ULK1: variants seen among roughly 807,000 people sequenced by gnomAD.
ULK1 encodes serine/threonine-protein kinase ULK1.
A neutral mutation model predicts 117.5 loss-of-function variants in ULK1; 48 were observed. The ratio of observed to expected loss-of-function variants is 0.41; its 90% CI spans 0.32 to 0.52. The LOEUF is 0.52. Among genes scored for constraint, ULK1 ranks in the 20% least tolerant of loss-of-function variants. ULK1 has a pLI of 0.29. For synonymous variants in ULK1, 790 were observed against 637.8 expected (o/e 1.24, Z -3.60); for missense variants, 1,387 against 1,473.4 (o/e 0.94, Z 0.96).
intron 3 of ULK1, among the ~76,000 whole-genome samples, chr12:131,900,457 TGGAGCACCTGG>T (rs1477803557): frequency 6.6e-6 from 1 of 152,228 alleles, no homozygotes; most frequent in Admixed American, 6.5e-5. Flanking sequence ...GGGAGGCGGC[TGGAGCACCTGG>T]GGAGCACCTG....
chr12:131,904,961 C>G (rs1889216900), intron 3 of ULK1, among the ~76,000 whole-genome samples: 1 of 152,124 alleles, frequency 6.6e-6, no homozygotes, highest in African/African-American at 2.4e-5. Context: ...TTGTTTCTCC[C>G]CACAGCTGCT....
At chr12:131,907,892 CTGCACGG>C (rs1341259433) in intron 5 of ULK1, among the ~76,000 whole-genome samples, 4 of 149,152 alleles carry the variant, frequency 2.7e-5, no homozygotes, top group South Asian at 2.2e-4. Context: ...AGGGGATGTG[CTGCACGG>C]GGCGGGGCGG....
intron 23 of ULK1, among the ~76,000 whole-genome samples, chr12:131,918,908 G>GAGTGTGT (rs2136412197): frequency 7.7e-6 from 1 of 129,622 alleles, no homozygotes; most frequent in African/African-American, 2.9e-5. Flanking sequence ...GTGGGGTGTA[G>GAGTGTGT]GGTGTGTGGG....
At chr12:131,912,365 C>T (rs1055114439) in intron 13 of ULK1, among the ~76,000 whole-genome samples, 5 of 152,174 alleles carry the variant, frequency 3.3e-5, no homozygotes, top group South Asian at 2.1e-4. Flanking sequence ...GGGTGGGGGC[C>T]GCTCACCTCA....
rs1395787317 is a variant in ULK1, at chr12:131,902,018, C to T, written c.247-4874C>T. On this transcript the variant is annotated intron_variant, in intron 3 of 27. Coordinates refer to ENST00000321867, the MANE Select transcript of ULK1 (RefSeq NM_003565.4). The surrounding 1 kb of genome is among the most constrained non-coding windows in gnomAD (Gnocchi z 6.3). ...GCCTCAACCCCCTGCGGCTGGCTCC[C>T]GGATTGTCCAGACCCCCAGGCCCAG... Among the ~76,000 whole-genome samples the T allele has an allele frequency of 1.3e-5, 2 of 152,124 alleles. No individual in the cohort carries two copies. Among genetic ancestry groups the T allele is most frequent in the African/African-American group, 2.4e-5 (1 of 41,428 alleles).
In ULK1 at chr12:131,919,984, C is replaced by T. The variant is rs768583387; in HGVS notation, c.2809C>T (p.Arg937Cys). 56 of 1,612,404 alleles carry T rather than the reference C, an allele frequency of 3.5e-5. No individual in the cohort carries two copies. Among genetic ancestry groups the T allele is most frequent in the Non-Finnish European group, 4.5e-5 (53 of 1,179,644 alleles). Residue 937 changes from arginine (R) to cysteine (C), a missense_variant, in exon 26 of 28, where the codon CGC becomes TGC. By Grantham distance (180) the Arg-to-Cys change is radical. Transcript: ENST00000321867. ...CLSSTVKQVV[R>C]RLNELYKASV... ...ACCACCCTCGTCCTTTGCAGTGGTG[C>T]GCAGGCTGAATGAGCTGTACAAGGC...
chr12:131,908,507 C>G (rs902165442), intron 5 of ULK1, 137 bp from the exon 6 acceptor site: 13 of 1,123,080 alleles, frequency 1.2e-5, no homozygotes, highest in Middle Eastern at 3.1e-4. Flanking sequence ...TGTGCCCCTC[C>G]TGACCCGGGG....
At chr12:131,918,925 G>A (rs1890013136) in intron 23 of ULK1, among the ~76,000 whole-genome samples, 2 of 74,992 alleles carry the variant, frequency 2.7e-5, no homozygotes, top group African/African-American at 7.1e-5. Context: ...TGGGGTGCAG[G>A]GTGTGTGGGG....
rs755107824 is a variant in ULK1 at position 131,919,302 on chromosome 12, A to G, written c.2602A>G (p.Ser868Gly). The part of the protein sequence containing the change: ...LEIAALKGSA[S>G]EAAGGPEYQL... ...GATCGCAGCCCTGAAGGGCAGCGCC[A>G]GTGAGGCGGCGGGGGGCCCTGAGTA... Residue 868 changes from serine to glycine, a missense_variant, in exon 24 of 28, where the codon AGT becomes GGT. Transcript: ENST00000321867. The G allele has an allele frequency of 1.9e-6, 3 of 1,590,898 alleles. No individual in the cohort carries two copies. In the South Asian group the frequency reaches 3.3e-5, roughly 18 times the overall value.
intron 22 of ULK1, chr12:131,918,249 TTGG>T (rs1566128293): frequency 1.8e-6 from 1 of 565,418 alleles, no homozygotes; most frequent in Non-Finnish European, 3.1e-6. Context: ...AGAGGGTCCC[TTGG>T]TGGGCACCGC....
At chr12:131,905,140 A>G (rs1281650111) in intron 3 of ULK1, among the ~76,000 whole-genome samples, 2 of 152,066 alleles carry the variant, frequency 1.3e-5, no homozygotes, top group Admixed American at 6.5e-5. Flanking sequence ...CCGGCCCTGC[A>G]GTGTCTGTGG....
chr12:131,919,739 C>T (rs1890065171), intron 25 of ULK1, 149 bp downstream of exon 25: 1 of 1,075,470 alleles, frequency 9.3e-7, no homozygotes, highest in Admixed American at 2.3e-5. Flanking sequence ...GTGTGCAGAG[C>T]ACAGAGGCCA....
intron 26 of ULK1, chr12:131,920,369 C>G (rs1465260186): frequency 1.9e-6 from 1 of 529,872 alleles, no homozygotes; most frequent in Non-Finnish European, 3.3e-6. Context: ...CTGCCTCGCC[C>G]CGACTCAGTT....
At chr12:131,920,800 C>T (rs920569440) in intron 26 of ULK1, 3 of 397,840 alleles carry the variant, frequency 7.5e-6, no homozygotes, top group Non-Finnish European at 1.4e-5. Flanking sequence ...CCTCCTGCCC[C>T]CCTTCCCGCC....
Position 131,921,217 on chromosome 12 carries a change from A to G in ULK1, c.3079A>G (p.Ile1027Val), listed in dbSNP as rs772508784. The change falls in exon 27 of 28, where the codon ATC (isoleucine) becomes GTC (valine). Residue 1027 changes from isoleucine to valine, a missense_variant. Ile to Val is a conservative substitution (Grantham distance 29, BLOSUM62 3). Coordinates refer to ENST00000321867, the MANE Select transcript of ULK1 (RefSeq NM_003565.4). Reference protein sequence around the residue: ...LQHMLSDQADIENVTKCKLCI... With the variant: ...LQHMLSDQADVENVTKCKLCI... ...GCACATGCTCTCGGACCAGGCCGACATCGAGAACGTCACCAAGTGTGAGTG... is the reference window on the plus strand; with the variant it reads ...GCACATGCTCTCGGACCAGGCCGACGTCGAGAACGTCACCAAGTGTGAGTG... The G allele has an allele frequency of 2.4e-5, 39 of 1,607,122 alleles. No homozygotes were observed. Among genetic ancestry groups the G allele is most frequent in the Non-Finnish European group, 2.7e-5 (32 of 1,179,800 alleles).
At position 131,920,149 on chromosome 12, in the gene ULK1, C is replaced by T. The variant is rs1465495474; in HGVS notation, c.2961+13C>T. The T allele has an allele frequency of 1.9e-6, 3 of 1,608,234 alleles. No homozygotes were observed. Among genetic ancestry groups the T allele is most frequent in the African/African-American group, 2.7e-5 (2 of 74,870 alleles). On this transcript the variant is annotated intron_variant, in intron 26 of 27. Coordinates refer to ENST00000321867, the MANE Select transcript of ULK1 (RefSeq NM_003565.4). ...CGCTGTGCAGATGGTACGGGACAGA[C>T]AGACACCAGTGGGGCAGGGGCCAGG...
At chr12:131,898,463 C>T (rs1431547401) in intron 3 of ULK1, among the ~76,000 whole-genome samples, 1 of 152,058 alleles carries the variant, frequency 6.6e-6, no homozygotes, top group African/African-American at 2.4e-5. Context: ...TCCATCGTGG[C>T]TCATGTGAGA....
chr12:131,916,489 G>A lies in ULK1; in HGVS notation c.1970G>A (p.Arg657Gln), dbSNP rs1256333661. ...CAGGGCGTGGTGATGACGCCCCCTC[G>A]AAACCGGACGCTGCCCGACCTCTCG... ...ARQGVVMTPP[R>Q]NRTLPDLSEV... The change falls in exon 20 of 28, where the codon CGA becomes CAA. Residue 657 changes from arginine to glutamine, a missense_variant. Arg to Gln is a conservative substitution (Grantham distance 43, BLOSUM62 1). Coordinates refer to ENST00000321867, the MANE Select transcript of ULK1 (RefSeq NM_003565.4). The A allele has an allele frequency of 5.0e-6, 8 of 1,612,248 alleles. No homozygotes were observed. Among genetic ancestry groups the A allele is most frequent in the African/African-American group, 2.7e-5 (2 of 75,030 alleles).
At position 131,919,004 on chromosome 12, in the gene ULK1, G is replaced by GTGTGTGGGGTGCCGGC. The variant is rs1890022893; in HGVS notation, c.2512-197_2512-196insCCGGCTGTGTGGGGTG. 8.4e-5 allele frequency among the ~76,000 whole-genome samples: 12 copies of GTGTGTGGGGTGCCGGC among 143,220 alleles called. No homozygotes were observed. The South Asian group carries it at 3.0e-3, about 36-fold the overall frequency. 94.0% of individuals were successfully genotyped at this position (143,220 alleles called of 152,430 possible). On this transcript the variant is annotated intron_variant, in intron 23 of 27. Coordinates refer to ENST00000321867, the MANE Select transcript of ULK1 (RefSeq NM_003565.4). ...GGGTGTCGGGTGTGTGGGGTGCAGG[G>GTGTGTGGGGTGCCGGC]TGTGTGGGGTGTCGGCTGTGTGGGG...
Sources: gnomAD v4.1 joint callset for allele counts (sites outside exome capture counted in the v4.1 genomes callset) on GRCh38, gnomAD v4.1.1 for gene constraint, Gnocchi (gnomAD v3.1) non-coding constraint, MANE v1.5 for transcripts, NCBI Gene and HGNC (gene_info 2026-07-23, HGNC 2026-07-21) for gene names.